The following RIMS1 variants were observed in gnomAD, a reference collection of about 807,000 sequenced individuals.
The protein encoded by RIMS1 is regulating synaptic membrane exocytosis protein 1.
RIMS1 carries 83 observed loss-of-function variants against 214.1 expected under a neutral mutation model. The ratio of observed to expected loss-of-function variants is 0.39; its 90% confidence interval spans 0.32 to 0.47. The LOEUF is 0.47. Among genes scored for constraint, RIMS1 ranks in the 20% least tolerant of loss-of-function variants. RIMS1 has a pLI of 0.99. For missense variants in RIMS1, 2,050 were observed against 2,161.8 expected (o/e 0.95, Z 1.03); for synonymous variants, 793 against 786.8 (o/e 1.01, Z -0.13).
At chr6:72,184,711 G>C (rs559995070) in intron 6 of RIMS1, among the ~76,000 whole-genome samples, 7 of 152,022 alleles carry the variant, frequency 4.6e-5, no homozygotes, top group African/African-American at 1.7e-4. Flanking sequence ...AATTATTGAG[G>C]AGAAAGGATA....
chr6:72,173,486 C>CTAACATTT (rs2047310377), intron 4 of RIMS1, among the ~76,000 whole-genome samples: 1 of 151,852 alleles, frequency 6.6e-6, no homozygotes, highest in Non-Finnish European at 1.5e-5. Context: ...TTTTATCTCT[C>CTAACATTT]TAACATTTTA....
At chr6:72,347,697 C>T (rs1301396998) in intron 29 of RIMS1, among the ~76,000 whole-genome samples, 6 of 151,880 alleles carry the variant, frequency 4.0e-5, no homozygotes, top group Non-Finnish European at 1.5e-5. Context: ...CAGAACACAA[C>T]TTAAAGCTTC....
intron 16 of RIMS1, among the ~76,000 whole-genome samples, chr6:72,254,624 TTA>T (rs2074999142): frequency 6.6e-6 from 1 of 152,194 alleles, no homozygotes; most frequent in South Asian, 2.1e-4. Flanking sequence ...ATATTTTTAG[TTA>T]TGAGACAGGG....
At chr6:72,302,167 G>A (rs979329792) in intron 26 of RIMS1, among the ~76,000 whole-genome samples, 13 of 151,522 alleles carry the variant, frequency 8.6e-5, no homozygotes, top group African/African-American at 2.7e-4. Flanking sequence ...CTGATGAATG[G>A]TGATGGATCT....
intron 6 of RIMS1, among the ~76,000 whole-genome samples, chr6:72,213,635 A>G (rs1028928642): frequency 2.0e-5 from 3 of 152,194 alleles, no homozygotes; most frequent in African/African-American, 4.8e-5. Context: ...TGAGAAATAC[A>G]TGACAAATTG....
chr6:72,038,540 C>CATTT (rs1401964237), intron 2 of RIMS1, among the ~76,000 whole-genome samples: 1 of 151,958 alleles, frequency 6.6e-6, no homozygotes, highest in African/African-American at 2.4e-5. Context: ...AACCACTGAA[C>CATTT]ATTTATAAGC....
At chr6:72,069,898 G>A (rs1024791795) in intron 2 of RIMS1, among the ~76,000 whole-genome samples, 3 of 152,166 alleles carry the variant, frequency 2.0e-5, no homozygotes, top group African/African-American at 7.2e-5. Flanking sequence ...TATGTGTTGG[G>A]ATGAGATAGA....
chr6:72,172,752 A>C (rs1014496159), intron 4 of RIMS1, among the ~76,000 whole-genome samples: 1 of 152,116 alleles, frequency 6.6e-6, no homozygotes, highest in Non-Finnish European at 1.5e-5. Flanking sequence ...TTATCCTATG[A>C]AGTTTTTGTT....
At chr6:72,084,175 G>T (rs1337930597) in intron 2 of RIMS1, among the ~76,000 whole-genome samples, 3 of 152,134 alleles carry the variant, frequency 2.0e-5, no homozygotes, top group African/African-American at 7.2e-5. Context: ...AGTTAGGTTG[G>T]CATGATCACG....
At chr6:72,205,353 A>G (rs934944861) in intron 6 of RIMS1, among the ~76,000 whole-genome samples, 1 of 152,186 alleles carries the variant, frequency 6.6e-6, no homozygotes, top group Non-Finnish European at 1.5e-5. Context: ...CAGCTAAGTG[A>G]TCAGAAGGGA....
At chr6:71,911,909 T>C (rs78365875) in intron 1 of RIMS1, among the ~76,000 whole-genome samples, 3,114 of 152,258 alleles carry the variant, frequency 0.02, 91 homozygotes, top group African/African-American at 0.069. Flanking sequence ...TTTACCTTGG[T>C]TTAAGACCCC....
chr6:71,971,069 T>G (rs2151370538), intron 2 of RIMS1, among the ~76,000 whole-genome samples: 1 of 152,274 alleles, frequency 6.6e-6, no homozygotes, highest in South Asian at 2.1e-4. Context: ...GCCCCCCAGG[T>G]TAGTATTTTA....
chr6:72,136,485 T>C (rs2041300456), intron 4 of RIMS1, among the ~76,000 whole-genome samples: 1 of 152,152 alleles, frequency 6.6e-6, no homozygotes, highest in African/African-American at 2.4e-5. Flanking sequence ...AACAAAATGT[T>C]AGAAGTTAAT....
intron 2 of RIMS1, among the ~76,000 whole-genome samples, chr6:71,981,153 T>G (rs1798378401): frequency 6.6e-6 from 1 of 152,138 alleles, no homozygotes. Context: ...TTTTAGCTTT[T>G]TGCTGATTTT....
intron 2 of RIMS1, among the ~76,000 whole-genome samples, chr6:72,082,133 T>C (rs1319321107): frequency 6.6e-6 from 1 of 152,192 alleles, no homozygotes; most frequent in African/African-American, 2.4e-5. Flanking sequence ...GCTATTCAAC[T>C]TAAGCTTTAC....
At chr6:72,321,227 A>G (rs1391276784) in intron 28 of RIMS1, among the ~76,000 whole-genome samples, 1 of 152,114 alleles carries the variant, frequency 6.6e-6, no homozygotes, top group Non-Finnish European at 1.5e-5. Flanking sequence ...AAACTACAAC[A>G]GATATATCAA....
chr6:72,031,272 G>T lies in RIMS1; in HGVS notation c.245+62209G>T, dbSNP rs566649935. ...CTCTGATTTTCTGTCTGAGGGAAGT[G>T]TGGGGATTTTAGTTCCACCACTTCC... On this transcript the variant is annotated intron_variant, in intron 2 of 33. Coordinates refer to ENST00000521978, the MANE Select transcript of RIMS1 (RefSeq NM_014989.7). Among the ~76,000 whole-genome samples the T allele has an allele frequency of 9.2e-5, 14 of 152,262 alleles. No homozygotes were observed. The South Asian group carries it at 2.9e-3, about 32-fold the overall frequency.
intron 29 of RIMS1, among the ~76,000 whole-genome samples, chr6:72,378,443 T>A (rs187372978): frequency 1.9e-3 from 289 of 152,348 alleles, no homozygotes; most frequent in Non-Finnish European, 3.2e-3. Context: ...AAACCCTCTC[T>A]TCTATCTATA....
chr6:72,199,118 A>T (rs2051484938), intron 6 of RIMS1, among the ~76,000 whole-genome samples: 1 of 152,118 alleles, frequency 6.6e-6, no homozygotes, highest in Admixed American at 6.5e-5. Flanking sequence ...ATTAAGAAGA[A>T]GGTCATGGAT....
Sources: allele counts gnomAD v4.1 joint callset (sites outside exome capture counted in the v4.1 genomes callset), GRCh38; gene constraint gnomAD v4.1.1; transcripts MANE v1.5; gene names NCBI Gene and HGNC (gene_info 2026-07-23, HGNC 2026-07-21).